ZFHX3: variants seen among roughly 807,000 people sequenced by gnomAD.
ZFHX3 encodes zinc finger homeobox 3.
ZFHX3 carries 42 observed loss-of-function variants against 279.1 expected under a neutral mutation model. The observed-to-expected ratio is 0.15, with a 90% CI of 0.12 to 0.19. The LOEUF (loss-of-function observed/expected upper bound fraction) is 0.19, where lower values mean the gene tolerates loss of function less well. Among genes scored for constraint, ZFHX3 ranks in the 10% least tolerant of loss-of-function variants. The pLI is 1.00. For synonymous variants in ZFHX3, 2,293 were observed against 1,957.8 expected (o/e 1.17, Z -4.52); for missense variants, 4,981 against 4,754.0 (o/e 1.05, Z -1.40).
chr16:73,726,771 A>C (rs995646451), intron 1 of ZFHX3, among the ~76,000 whole-genome samples: 2 of 152,134 alleles, frequency 1.3e-5, no homozygotes, highest in South Asian at 2.1e-4. Context: ...TATCATGAGA[A>C]CAGCACTCAA....
chr16:73,699,188 C>T (rs1488869310), intron 1 of ZFHX3, among the ~76,000 whole-genome samples: 1 of 152,106 alleles, frequency 6.6e-6, no homozygotes, highest in Non-Finnish European at 1.5e-5. Context: ...GTATCAATGT[C>T]AATTTCTTAG....
chr16:73,278,372 G>T (rs2014358035), intron 4 of ZFHX3, among the ~76,000 whole-genome samples: 1 of 152,188 alleles, frequency 6.6e-6, no homozygotes, highest in Admixed American at 6.6e-5. Context: ...AGAAAGTTGT[G>T]GTTGCTTGCT....
chr16:73,519,341 T>C (rs1256748797), intron 2 of ZFHX3, among the ~76,000 whole-genome samples: 1 of 152,230 alleles, frequency 6.6e-6, no homozygotes, highest in Non-Finnish European at 1.5e-5. Flanking sequence ...TTTAGGATTA[T>C]TCTATAAATT....
At chr16:72,827,804 G>C (rs1036836653) in intron 5 of ZFHX3, among the ~76,000 whole-genome samples, 2 of 152,102 alleles carry the variant, frequency 1.3e-5, no homozygotes, top group African/African-American at 4.8e-5. Flanking sequence ...TAGGCTTCTG[G>C]ACACCACACA....
chr16:73,068,433 GCATGGTCCCC>G (rs529702654), intron 8 of ZFHX3, among the ~76,000 whole-genome samples: 1 of 152,286 alleles, frequency 6.6e-6, no homozygotes, highest in East Asian at 1.9e-4. Flanking sequence ...TCACTGATGG[GCATGGTCCCC>G]CATGTTATTC....
chr16:73,056,425 C>T (rs2144735245), intron 1 of ZFHX3, among the ~76,000 whole-genome samples: 1 of 152,160 alleles, frequency 6.6e-6, no homozygotes, highest in Non-Finnish European at 1.5e-5. Flanking sequence ...AAGAGGGCCC[C>T]CCAAGTGCCC....
chr16:73,023,470 A>G (rs914302429), intron 1 of ZFHX3, among the ~76,000 whole-genome samples: 3 of 152,144 alleles, frequency 2.0e-5, no homozygotes, highest in African/African-American at 7.2e-5. Flanking sequence ...CTTAAGGTGA[A>G]TAAGATAAGC....
chr16:73,831,685 C>T (rs1344576145), intron 1 of ZFHX3, among the ~76,000 whole-genome samples: 2 of 152,106 alleles, frequency 1.3e-5, no homozygotes, highest in South Asian at 2.1e-4. Flanking sequence ...AACTCTGCCA[C>T]CAAGAATGAT....
chr16:73,223,866 G>T (rs2094055876), intron 5 of ZFHX3, among the ~76,000 whole-genome samples: 1 of 152,166 alleles, frequency 6.6e-6, no homozygotes, highest in Non-Finnish European at 1.5e-5. Context: ...ATTATTCAGT[G>T]CTAAAAAGGA....
Position 72,891,707 on chromosome 16 carries a change from A to G in ZFHX3, c.3217-1745T>C, listed in dbSNP as rs2038776906. ...AGCCATGTACCCAGCATCCTTTTGA[A>G]GGAGGAAATTCAGGTCATGTGAGTG... On this transcript the variant is annotated intron_variant, in intron 3 of 9. Transcript: ENST00000268489. Among the ~76,000 whole-genome samples the G allele has an allele frequency of 4.6e-5, 7 of 152,168 alleles. No individual in the cohort carries two copies. The South Asian group carries it at 1.5e-3, about 32-fold the overall frequency.
At chr16:72,954,796 A>G (rs1961168822) in intron 2 of ZFHX3, among the ~76,000 whole-genome samples, 1 of 152,228 alleles carries the variant, frequency 6.6e-6, no homozygotes, top group African/African-American at 2.4e-5. Flanking sequence ...CCTTTCCTCA[A>G]AGGCTTCTGA....
chr16:73,157,833 GAGA>G (rs1357025097), intron 5 of ZFHX3, among the ~76,000 whole-genome samples: 1 of 152,126 alleles, frequency 6.6e-6, no homozygotes, highest in Non-Finnish European at 1.5e-5. Flanking sequence ...GCCTCACAAG[GAGA>G]AGAAGCATTT....
chr16:73,567,183 A>G (rs1397700789), intron 2 of ZFHX3, among the ~76,000 whole-genome samples: 1 of 152,132 alleles, frequency 6.6e-6, no homozygotes, highest in Admixed American at 6.5e-5. Flanking sequence ...TAGTCATTGG[A>G]CACTAATCTC....
intron 6 of ZFHX3, among the ~76,000 whole-genome samples, chr16:73,138,489 A>C (rs1381586679): frequency 6.6e-6 from 1 of 152,130 alleles, no homozygotes; most frequent in Non-Finnish European, 1.5e-5. Context: ...GAAGAGTAGG[A>C]GGCAGGGAGT....
At chr16:73,414,762 G>A (rs182709706) in intron 3 of ZFHX3, among the ~76,000 whole-genome samples, 61 of 152,296 alleles carry the variant, frequency 4.0e-4, no homozygotes, top group African/African-American at 1.4e-3. Context: ...CTTGAGCCTG[G>A]GAGGTTGAGG....
intron 3 of ZFHX3, among the ~76,000 whole-genome samples, chr16:72,938,014 A>G (rs1030824208): frequency 3.3e-5 from 5 of 152,264 alleles, no homozygotes; most frequent in Non-Finnish European, 7.3e-5. Flanking sequence ...CATTCTTGAG[A>G]AACTCACAAA....
chr16:72,795,211 G>T lies in ZFHX3; in HGVS notation c.7471C>A (p.Gln2491Lys). Residue 2491 changes from glutamine to lysine, a missense_variant, in exon 9 of 10, where the codon CAG (glutamine) becomes AAG (lysine). Transcript: ENST00000268489. ...GGGCTCGACTGGGGTAAGGGGCACT[G>T]TGGAGGGGGCGCTTGTGGAGGAGGC... ...PQPPPQAPPP[Q>K]CPLPQSSPSP... 6.2e-7 allele frequency: 1 copy of T among 1,607,868 alleles called. No homozygotes were observed. The highest frequency in any genetic ancestry group is 8.5e-7 in the Non-Finnish European group (1 of 1,176,778).
rs763183937 is a variant in ZFHX3, at chr16:72,787,532, T to G, written c.10744A>C (p.Ser3582Arg). 1.7e-5 allele frequency: 28 copies of G among 1,613,770 alleles called. No individual in the cohort carries two copies. In the Middle Eastern group the frequency reaches 6.6e-4, roughly 38 times the overall value. Residue 3582 changes from serine to arginine, a missense_variant, in exon 10 of 10, where the codon AGC becomes CGC. Around this residue, in one of 7 missense-constraint regions of ZFHX3, gnomAD observed 1,034 missense variants for 786.0 expected, o/e 1.32. Coordinates refer to ENST00000268489, the MANE Select transcript of ZFHX3 (RefSeq NM_006885.4). ...GCAGACTGCGAGGTAGATGCGGTGC[T>G]AGGATCGGGGAAGCAGGCAGAGTGA... ...LPHSACFPDP[S>R]TASTSQSAAH...
chr16:72,909,007 C>T (rs1207056156), intron 3 of ZFHX3, among the ~76,000 whole-genome samples: 1 of 152,168 alleles, frequency 6.6e-6, no homozygotes, highest in African/African-American at 2.4e-5. Flanking sequence ...ACTAGCAGTA[C>T]ATTAGCGAGA....
Sources: allele counts gnomAD v4.1 joint callset (sites outside exome capture counted in the v4.1 genomes callset), GRCh38; gene constraint gnomAD v4.1.1; regional missense constraint gnomAD v4.1.1; transcripts MANE v1.5; gene names NCBI Gene and HGNC (gene_info 2026-07-23, HGNC 2026-07-21).